Variants in RANBP17 observed in about 807,000 individuals in gnomAD.
The protein encoded by RANBP17 is ran-binding protein 17.
Under a neutral mutation model 141.2 loss-of-function variants are expected in RANBP17, and 158 were observed. That is an observed-to-expected ratio of 1.12 (90% CI 0.98 to 1.28). RANBP17 has a LOEUF of 1.28. Among genes scored for constraint, RANBP17 ranks in the 50% most tolerant of loss-of-function variants. The pLI is 0.00. For synonymous variants in RANBP17, 430 were observed against 450.0 expected (o/e 0.96, Z 0.56); for missense variants, 1,438 against 1,290.7 (o/e 1.11, Z -1.75).
rs1400971615 is a variant in RANBP17, at chr5:170,894,524, G to T, written c.424-1526G>T. Reference sequence around the variant, plus strand: ...TATATATATGGCTTGACCTAACCCTGCATCATGAGAAAGTCAATTTTGGCT... The same window carrying T: ...TATATATATGGCTTGACCTAACCCTTCATCATGAGAAAGTCAATTTTGGCT... On this transcript the variant is annotated intron_variant, in intron 4 of 27. Transcript: ENST00000523189. Among the ~76,000 whole-genome samples the T allele has an allele frequency of 3.3e-5, 4 of 121,078 alleles. No individual in the cohort carries two copies. In the East Asian group the frequency reaches 8.0e-4, roughly 24 times the overall value. 79.4% of individuals were successfully genotyped at this position (121,078 alleles called of 152,430 possible).
rs150124750 is a variant in RANBP17, at chr5:171,293,925, C to T, written c.2986C>T (p.Arg996Trp). The T allele has an allele frequency of 5.6e-6, 9 of 1,613,702 alleles. No homozygotes were observed. Among genetic ancestry groups the T allele is most frequent in the Non-Finnish European group, 7.6e-6 (9 of 1,179,808 alleles). The change falls in exon 26 of 28, where the codon CGG (arginine) becomes TGG (tryptophan). Residue 996 changes from arginine to tryptophan, a missense_variant. By Grantham distance (101) the Arg-to-Trp change is moderately radical (BLOSUM62 -3). Coordinates refer to ENST00000523189, the MANE Select transcript of RANBP17 (RefSeq NM_022897.5). ...LMNTIVFEDCRNQWSVSRPLL... is the reference protein window; with the variant it reads ...LMNTIVFEDCWNQWSVSRPLL... ...GAACACCATTGTCTTTGAAGACTGT[C>T]GGAACCAGTGGTCAGTATCCAGGCC...
chr5:171,082,859 G>T (rs1458663332), intron 14 of RANBP17, among the ~76,000 whole-genome samples: 3 of 150,616 alleles, frequency 2.0e-5, no homozygotes. Flanking sequence ...TAGCATTTTG[G>T]GTATGATCAG....
chr5:170,871,436 C>T (rs1484739150), intron 1 of RANBP17, among the ~76,000 whole-genome samples: 1 of 152,118 alleles, frequency 6.6e-6, no homozygotes, highest in Non-Finnish European at 1.5e-5. Flanking sequence ...ACCTTTGTCA[C>T]ATGGGTTGAT....
intron 1 of RANBP17, 118 bp downstream of exon 1, chr5:170,862,169 C>A: frequency 9.2e-7 from 1 of 1,081,460 alleles, no homozygotes; most frequent in Non-Finnish European, 1.2e-6. Context: ...GGCCGGTGTC[C>A]CCGGAGTCCC....
intron 14 of RANBP17, among the ~76,000 whole-genome samples, chr5:171,061,638 T>C (rs1783862856): frequency 6.6e-6 from 1 of 152,220 alleles, no homozygotes; most frequent in African/African-American, 2.4e-5. Context: ...ATGTATATTC[T>C]GTTGATTTGG....
chr5:171,097,241 C>A (rs1476550569), intron 14 of RANBP17, among the ~76,000 whole-genome samples: 1 of 151,966 alleles, frequency 6.6e-6, no homozygotes, highest in Non-Finnish European at 1.5e-5. Context: ...ATTTAGAATA[C>A]CATATCCCTA....
In RANBP17 at chr5:170,955,030, A is replaced by T. The variant is rs532183738; in HGVS notation, c.1574+1328A>T. 5.3e-5 allele frequency among the ~76,000 whole-genome samples: 8 copies of T among 152,198 alleles called. No homozygotes were observed. In the East Asian group the frequency reaches 5.8e-4, roughly 11 times the overall value. On this transcript the variant is annotated intron_variant, in intron 13 of 27. Coordinates refer to ENST00000523189, the MANE Select transcript of RANBP17 (RefSeq NM_022897.5). ...GGGTGAACCCTAAACTACACATGTG[A>T]GGGATCTAGGTTGCATGCTCCTTAC...
intron 25 of RANBP17, among the ~76,000 whole-genome samples, chr5:171,273,581 A>C (rs138966782): frequency 1.3e-5 from 2 of 152,336 alleles, no homozygotes; most frequent in East Asian, 3.9e-4. Flanking sequence ...CCCTTGAAAA[A>C]CAGCCAGAAA....
chr5:170,903,864 G>T lies in RANBP17; in HGVS notation c.490-5797G>T, dbSNP rs1283089328. The T allele has an allele frequency of 2.7e-5, 13 of 477,860 alleles. No homozygotes were observed. The East Asian group carries it at 4.3e-4, about 16-fold the overall frequency. 29.6% of individuals were successfully genotyped at this position (477,860 alleles called of 1,614,324 possible). A position where few individuals can be genotyped will look rare whatever the true frequency, so the allele number is the denominator to read the frequency against. On this transcript the variant is annotated intron_variant, in intron 5 of 27. Coordinates refer to ENST00000523189, the MANE Select transcript of RANBP17 (RefSeq NM_022897.5). ...CAACCTAACAAGCTCCGCAAGATTT[G>T]AAGGGTCCCTTAATAAGGACCATAA... is the stretch of plus-strand genomic sequence containing the variant.
At chr5:170,922,558 G>T (rs1330510531) in intron 11 of RANBP17, among the ~76,000 whole-genome samples, 1 of 152,154 alleles carries the variant, frequency 6.6e-6, no homozygotes, top group African/African-American at 2.4e-5. Flanking sequence ...CTGCAGCATC[G>T]CAGTTTGATC....
intron 12 of RANBP17, among the ~76,000 whole-genome samples, chr5:170,952,134 G>A (rs531565558): frequency 6.6e-6 from 1 of 151,964 alleles, no homozygotes; most frequent in Non-Finnish European, 1.5e-5. Flanking sequence ...AGAAAGCAGG[G>A]TCATCAGAGT....
chr5:171,044,002 T>G lies in RANBP17; in HGVS notation c.1710+75625T>G, dbSNP rs559093535. Among the ~76,000 whole-genome samples, 6 of 152,230 alleles carry G rather than the reference T, an allele frequency of 3.9e-5. No homozygotes were observed. In the South Asian group the frequency reaches 1.2e-3, roughly 32 times the overall value. ...AGGATCTATTTTAAAATCCTTACAT[T>G]TAAAATAAAAGTGCCTGTTTGACAT... On this transcript the variant is annotated intron_variant, in intron 14 of 27. Coordinates refer to ENST00000523189, the MANE Select transcript of RANBP17 (RefSeq NM_022897.5).
chr5:171,255,636 G>A (rs558752052), intron 24 of RANBP17, among the ~76,000 whole-genome samples: 1 of 152,182 alleles, frequency 6.6e-6, no homozygotes, highest in South Asian at 2.1e-4. Context: ...AAAATGTTTT[G>A]AAGTTTATCA....
intron 14 of RANBP17, among the ~76,000 whole-genome samples, chr5:171,061,215 G>C (rs1341287908): frequency 4.0e-5 from 6 of 150,364 alleles, no homozygotes; most frequent in Non-Finnish European, 6.0e-5. Context: ...TTTTGAATGT[G>C]TTTGCTCTTG....
chr5:170,936,009 C>T (rs1270531684), intron 12 of RANBP17, among the ~76,000 whole-genome samples: 2 of 152,204 alleles, frequency 1.3e-5, no homozygotes, highest in Non-Finnish European at 2.9e-5. Context: ...AGCCCCTTCC[C>T]CAGCCTCGCT....
At chr5:171,016,033 T>C (rs747481448) in intron 14 of RANBP17, among the ~76,000 whole-genome samples, 1 of 152,084 alleles carries the variant, frequency 6.6e-6, no homozygotes, top group Non-Finnish European at 1.5e-5. Context: ...TCCAGGACTT[T>C]TGCAAACTCT....
intron 25 of RANBP17, among the ~76,000 whole-genome samples, chr5:171,273,027 T>A (rs1767224333): frequency 6.6e-6 from 1 of 152,218 alleles, no homozygotes; most frequent in Non-Finnish European, 1.5e-5. Context: ...TACAGCTGTG[T>A]TATAATGCCC....
chr5:171,246,253 T>C (rs528018252), intron 24 of RANBP17, among the ~76,000 whole-genome samples: 4 of 152,318 alleles, frequency 2.6e-5, no homozygotes, highest in East Asian at 1.9e-4. Context: ...TGTAGAACTC[T>C]CTTACGTAGG....
intron 14 of RANBP17, among the ~76,000 whole-genome samples, chr5:171,035,161 G>T (rs1781789728): frequency 1.3e-5 from 2 of 152,038 alleles, no homozygotes; most frequent in South Asian, 4.2e-4. Context: ...GGCATTTAAG[G>T]AAAAATCTAA....
Sources: gnomAD v4.1 joint callset for allele counts (sites outside exome capture counted in the v4.1 genomes callset) on GRCh38, gnomAD v4.1.1 for gene constraint, MANE v1.5 for transcripts, NCBI Gene and HGNC (gene_info 2026-07-23, HGNC 2026-07-21) for gene names.